PARP15: variants seen among roughly 807,000 people sequenced by gnomAD.
PARP15 encodes the protein poly(ADP-ribose) polymerase family member 15.
PARP15 carries 50 observed loss-of-function variants against 62.1 expected under a neutral mutation model. The ratio of observed to expected loss-of-function variants is 0.81; its 90% CI spans 0.64 to 1.02. The LOEUF is 1.02. Among genes scored for constraint, PARP15 ranks in the 50% least tolerant of loss-of-function variants. The pLI is 0.00. For missense variants in PARP15, 820 were observed against 826.5 expected (o/e 0.99, Z 0.10); for synonymous variants, 309 against 293.1 (o/e 1.05, Z -0.55).
At position 122,577,835 on chromosome 3, in the gene PARP15, C is replaced by A; in HGVS notation, c.168C>A (p.Arg56=). 6.5e-7 allele frequency: 1 copy of A among 1,549,708 alleles called. No homozygotes were observed. The highest frequency in any genetic ancestry group is 1.2e-5 in the South Asian group (1 of 83,846). ...GNRGARKASR[R]SSSRSMSRDN... is the part of the protein sequence containing the mutation. The stretch of plus-strand genomic sequence containing the variant: ...GTGGGGCGCGGAAGGCCTCCCGGCG[C>A]TCTTCCTCCCGGAGTATGGTGAGGA... The change falls in exon 1 of 12, where the codon CGC becomes CGA. Residue 56 remains arginine (R), a synonymous_variant. Coordinates refer to ENST00000464300, the MANE Select transcript of PARP15 (RefSeq NM_001113523.3).
Position 122,611,791 on chromosome 3 carries a change from C to T in PARP15, c.543+1061C>T, listed in dbSNP as rs565050583. The stretch of plus-strand genomic sequence containing the variant: ...GTGCAATGGCACAATCTTGGCTCAC[C>T]GCAGCCTCCGCCTCCCGGGTTCAAG... On this transcript the variant is annotated intron_variant, in intron 3 of 11. Coordinates refer to ENST00000464300, the MANE Select transcript of PARP15 (RefSeq NM_001113523.3). Among the ~76,000 whole-genome samples, 22 of 149,600 alleles carry T rather than the reference C, an allele frequency of 1.5e-4. No homozygotes were observed. The South Asian group carries it at 3.4e-3, about 23-fold the overall frequency.
chr3:122,637,877 C>T lies in PARP15; in HGVS notation c.*1777C>T, dbSNP rs1181445650. The T allele has an allele frequency of 1.3e-5, 2 of 151,948 alleles. No homozygotes were observed. Among genetic ancestry groups the T allele is most frequent in the Admixed American group, 6.6e-5 (1 of 15,256 alleles). The allele number at this position is 151,948 out of a possible 1,614,324, so 9.4% of individuals were successfully genotyped here. ...GTTTAGTTACATATGTAAACATGTG[C>T]CATGTTGGTGTGCTGCACCCAGTAA... On this transcript the variant is annotated 3_prime_UTR_variant, in exon 12 of 12. Transcript: ENST00000464300.
chr3:122,612,942 T>C lies in PARP15; in HGVS notation c.544-99T>C, dbSNP rs1559963850. The C allele has an allele frequency of 2.9e-5, 30 of 1,042,462 alleles. No homozygotes were observed. The South Asian group carries it at 4.3e-4, about 15-fold the overall frequency. The allele number at this position is 1,042,462 out of a possible 1,614,324, so 64.6% of individuals were successfully genotyped here. A position where few individuals can be genotyped will look rare whatever the true frequency, so the allele number is the denominator to read the frequency against. On this transcript the variant is annotated intron_variant, in intron 3 of 11. Transcript: ENST00000464300. ...TCTCAGGCCCTGACTAAGCCAACAA[T>C]AGCAGAGAGGTCCTTGTCAGAGTTG...
Position 122,617,046 on chromosome 3 carries a change from C to T in PARP15, c.882C>T (p.Phe294=). ...TCGGGACTGTCTCTAAGCCTTGTTT[C>T]ACAGCATATGAAATGAAAATCGGTG... is the stretch of plus-strand genomic sequence containing the variant. The part of the protein sequence containing the change: ...GVVGTVSKPC[F]TAYEMKIGAI... Residue 294 remains phenylalanine, a synonymous_variant, in exon 6 of 12, where the codon TTC becomes TTT. Coordinates refer to ENST00000464300, the MANE Select transcript of PARP15 (RefSeq NM_001113523.3). 1 of 1,614,082 alleles carries T rather than the reference C, an allele frequency of 6.2e-7. No individual in the cohort carries two copies. Among genetic ancestry groups the T allele is most frequent in the South Asian group, 1.1e-5 (1 of 91,074 alleles).
intron 6 of PARP15, among the ~76,000 whole-genome samples, chr3:122,619,199 A>G (rs1322537186): frequency 6.6e-6 from 1 of 152,164 alleles, no homozygotes; most frequent in Non-Finnish European, 1.5e-5. Flanking sequence ...TGAGGAACTT[A>G]TTAGTCACAT....
Position 122,610,445 on chromosome 3 carries a change from T to C in PARP15, c.307-49T>C, listed in dbSNP as rs1336428850. 2.1e-6 allele frequency: 3 copies of C among 1,450,542 alleles called. No homozygotes were observed. In the African/African-American group the frequency reaches 4.3e-5, roughly 21 times the overall value. The allele number at this position is 1,450,542 out of a possible 1,614,324, so 89.9% of individuals were successfully genotyped here. ...ACTTAGTAAATTTACAGTTGCTCCA[T>C]CATTATGTATTATTGATTCAATCTC... On this transcript the variant is annotated intron_variant, in intron 2 of 11. Coordinates refer to ENST00000464300, the MANE Select transcript of PARP15 (RefSeq NM_001113523.3).
At chr3:122,606,132 T>A in intron 2 of PARP15, 77 bp downstream of exon 2, 1 of 1,435,452 alleles carries the variant, frequency 7.0e-7, no homozygotes, top group Non-Finnish European at 9.4e-7. Context: ...GTTCCATGAT[T>A]TAATTTGTTC....
chr3:122,613,011 A>G, intron 3 of PARP15, 30 bp from the exon 4 acceptor site: 1 of 1,524,654 alleles, frequency 6.6e-7, no homozygotes, highest in South Asian at 1.2e-5. Context: ...TTAAGCCCTA[A>G]CTTATGTAAA....
chr3:122,590,736 T>C lies in PARP15; in HGVS notation c.186+12883T>C, dbSNP rs553347425. On this transcript the variant is annotated intron_variant, in intron 1 of 11. Transcript: ENST00000464300. ...AAGGGAAAGTTCCTTTATTTCTCTT[T>C]CAAAGATAAAAAACAATGAAAAATG... 5.9e-5 allele frequency among the ~76,000 whole-genome samples: 9 copies of C among 152,340 alleles called. No homozygotes were observed. In the South Asian group the frequency reaches 1.7e-3, roughly 28 times the overall value.
chr3:122,605,173 C>T (rs1228881351), intron 1 of PARP15, among the ~76,000 whole-genome samples: 3 of 152,154 alleles, frequency 2.0e-5, no homozygotes, highest in Non-Finnish European at 4.4e-5. Context: ...TATTTTTATA[C>T]CAGCTCCTGT....
chr3:122,621,350 T>C, intron 7 of PARP15, 94 bp from the exon 8 acceptor site: 1 of 1,352,770 alleles, frequency 7.4e-7, no homozygotes, highest in Non-Finnish European at 1.0e-6. Context: ...TTCACAGCCT[T>C]CACGGATGTC....
chr3:122,628,784 AT>A (rs528286704), intron 9 of PARP15, among the ~76,000 whole-genome samples: 267 of 152,348 alleles, frequency 1.8e-3, no homozygotes, highest in African/African-American at 5.8e-3. Context: ...ATACAACTGC[AT>A]TACGTCATCT....
At chr3:122,630,948 A>G (rs1297251472) in intron 9 of PARP15, among the ~76,000 whole-genome samples, 1 of 152,198 alleles carries the variant, frequency 6.6e-6, no homozygotes. Flanking sequence ...TCAATGTCAT[A>G]TGGCTGGTCA....
intron 1 of PARP15, among the ~76,000 whole-genome samples, chr3:122,579,589 G>T (rs374067383): frequency 7.2e-5 from 11 of 152,226 alleles, no homozygotes; most frequent in East Asian, 3.9e-4. Flanking sequence ...AGTCTTTGGA[G>T]CCTTAGGTAT....
chr3:122,605,824 C>T, intron 1 of PARP15, 112 bp from the exon 2 acceptor site: 1 of 1,083,412 alleles, frequency 9.2e-7, no homozygotes, highest in Non-Finnish European at 1.3e-6. Context: ...TCAAGTGATT[C>T]TCCCACCTAG....
At chr3:122,579,293 A>C (rs1199600706) in intron 1 of PARP15, among the ~76,000 whole-genome samples, 1 of 151,984 alleles carries the variant, frequency 6.6e-6, no homozygotes, top group Admixed American at 6.6e-5. Flanking sequence ...CTCATTCGCT[A>C]TGTTGTCTAT....
At chr3:122,635,292 TATCA>T in intron 11 of PARP15, 98 bp downstream of exon 11, 2 of 1,111,640 alleles carry the variant, frequency 1.8e-6, no homozygotes, top group Non-Finnish European at 2.5e-6. Flanking sequence ...GCAGCTGTAT[TATCA>T]CTGTCAGAAT....
rs1329922192 is a variant in PARP15 at position 122,638,165 on chromosome 3, T to C, written c.*2065T>C. On this transcript the variant is annotated 3_prime_UTR_variant, in exon 12 of 12. Coordinates refer to ENST00000464300, the MANE Select transcript of PARP15 (RefSeq NM_001113523.3). ...TATGGCTGCATAGTATTCCATGGTG[T>C]ATATGTGCCACATTTTCTTAATCCA... The C allele has an allele frequency of 1.3e-5, 2 of 152,162 alleles. No individual in the cohort carries two copies. Among genetic ancestry groups the C allele is most frequent in the East Asian group, 3.8e-4 (2 of 5,204 alleles). 9.4% of individuals were successfully genotyped at this position (152,162 alleles called of 1,614,324 possible). A position where few individuals can be genotyped will look rare whatever the true frequency, so the allele number is the denominator to read the frequency against.
chr3:122,591,233 A>G (rs1933881173), intron 1 of PARP15, among the ~76,000 whole-genome samples: 1 of 152,252 alleles, frequency 6.6e-6, no homozygotes. Context: ...ATTCAGGCAC[A>G]AAAGTAATAC....
Sources: allele counts gnomAD v4.1 joint callset (sites outside exome capture counted in the v4.1 genomes callset), GRCh38; gene constraint gnomAD v4.1.1; transcripts MANE v1.5; gene names NCBI Gene and HGNC (gene_info 2026-07-23, HGNC 2026-07-21).